SPAG9: variants seen among roughly 807,000 people sequenced by gnomAD.
The protein encoded by SPAG9 is sperm associated antigen 9, also known as C-Jun-amino-terminal kinase-interacting protein 4.
SPAG9 carries 35 observed loss-of-function variants against 166.5 expected under a neutral mutation model. The observed-to-expected ratio is 0.21, with a 90% confidence interval of 0.16 to 0.28. The LOEUF is 0.28. Ranked by LOEUF, SPAG9 falls within the 10% of genes least tolerant of loss-of-function variation. SPAG9 has a pLI of 1.00. For synonymous variants in SPAG9, 534 were observed against 565.5 expected (o/e 0.94, Z 0.79); for missense variants, 1,235 against 1,603.3 (o/e 0.77, Z 3.92).
At chr17:51,118,143 A>G (rs1184449519) in intron 1 of SPAG9, among the ~76,000 whole-genome samples, 2 of 151,950 alleles carry the variant, frequency 1.3e-5, no homozygotes, top group Non-Finnish European at 2.9e-5. Flanking sequence ...CAAAAAAAAA[A>G]AAAAAGAGAA....
chr17:51,020,416 C>T (rs1373816300), intron 7 of SPAG9, among the ~76,000 whole-genome samples, 158 bp from the exon 8 acceptor site: 1 of 152,118 alleles, frequency 6.6e-6, no homozygotes, highest in Non-Finnish European at 1.5e-5. Context: ...CAATATATCA[C>T]ATATTCAGTT....
chr17:51,022,287 C>T (rs908548195), intron 6 of SPAG9, among the ~76,000 whole-genome samples: 2 of 151,858 alleles, frequency 1.3e-5, no homozygotes, highest in Non-Finnish European at 2.9e-5. Context: ...AGTCTAAGTC[C>T]AACTCCAGAC....
At chr17:51,051,592 T>G (rs757787692) in intron 3 of SPAG9, among the ~76,000 whole-genome samples, 29 of 152,232 alleles carry the variant, frequency 1.9e-4, no homozygotes, top group South Asian at 4.1e-4. Context: ...TGGTGGCATG[T>G]GCCTATAGTC....
chr17:51,084,770 C>T lies in SPAG9; in HGVS notation c.304-5066G>A, dbSNP rs1368457897. 3.3e-5 allele frequency among the ~76,000 whole-genome samples: 5 copies of T among 151,936 alleles called. No individual in the cohort carries two copies. The East Asian group carries it at 7.8e-4, about 24-fold the overall frequency. On this transcript the variant is annotated intron_variant, in intron 1 of 29. Transcript: ENST00000262013. ...ATAAAATGCTGTTTTAAAGAACATACAGCATTATGTTTACCAAGTAACACT... is the reference window on the plus strand; with the variant it reads ...ATAAAATGCTGTTTTAAAGAACATATAGCATTATGTTTACCAAGTAACACT...
In SPAG9 at chr17:51,089,657, T is replaced by TAC. The variant is rs1486393423; in HGVS notation, c.304-9954_304-9953insGT. Reference sequence around the variant, plus strand: ...ATATATATATATATATATATATATATATATATACACATACACACACACACT... The same window carrying TAC: ...ATATATATATATATATATATATATATACATATATACACATACACACACACACT... On this transcript the variant is annotated intron_variant, in intron 1 of 29. Transcript: ENST00000262013. 3.8e-3 allele frequency among the ~76,000 whole-genome samples: 398 copies of TAC among 105,010 alleles called. 9 individuals carry two copies. Among genetic ancestry groups the TAC allele is most frequent in the African/African-American group, 0.015 (376 of 25,850 alleles). 68.9% of individuals were successfully genotyped at this position (105,010 alleles called of 152,430 possible).
chr17:51,042,826 G>C (rs2046889487), intron 4 of SPAG9, among the ~76,000 whole-genome samples: 1 of 152,140 alleles, frequency 6.6e-6, no homozygotes, highest in Non-Finnish European at 1.5e-5. Context: ...TATGCACAAG[G>C]AAATAAAATT....
At chr17:51,026,333 A>T (rs2302287) in intron 6 of SPAG9, among the ~76,000 whole-genome samples, 77,914 of 146,358 alleles carry the variant, frequency 0.53, 20,698 homozygotes, top group Admixed American at 0.56. Context: ...AAAAAAAAAA[A>T]AAAAAAAAAA....
intron 2 of SPAG9, among the ~76,000 whole-genome samples, chr17:51,062,843 G>A (rs2047555698): frequency 1.3e-5 from 2 of 152,072 alleles, no homozygotes; most frequent in African/African-American, 2.4e-5. Context: ...ACCTGCCTCC[G>A]CCTCTCAAAG....
intron 3 of SPAG9, among the ~76,000 whole-genome samples, chr17:51,053,693 A>C (rs951932614): frequency 6.6e-6 from 1 of 150,506 alleles, no homozygotes; most frequent in Non-Finnish European, 1.5e-5. Flanking sequence ...ACACACAAAA[A>C]AAAAAATTGG....
chr17:50,967,565 T>G (rs1011758009), intron 29 of SPAG9, among the ~76,000 whole-genome samples: 2 of 152,134 alleles, frequency 1.3e-5, no homozygotes, highest in Admixed American at 1.3e-4. Context: ...GTAAAAAAAT[T>G]AAGTTTGGCT....
chr17:51,091,514 G>A (rs919888520), intron 1 of SPAG9, among the ~76,000 whole-genome samples: 7 of 151,256 alleles, frequency 4.6e-5, no homozygotes, highest in African/African-American at 1.7e-4. Flanking sequence ...GTTGTTGTTT[G>A]CATATTATAA....
intron 5 of SPAG9, among the ~76,000 whole-genome samples, chr17:51,037,292 C>A (rs1338131064): frequency 6.6e-6 from 1 of 151,922 alleles, no homozygotes; most frequent in Non-Finnish European, 1.5e-5. Flanking sequence ...TTTGTAGAGA[C>A]AGAGTCGCTT....
intron 2 of SPAG9, among the ~76,000 whole-genome samples, chr17:51,074,222 C>T (rs1358189840): frequency 6.6e-6 from 1 of 151,534 alleles, no homozygotes; most frequent in Non-Finnish European, 1.5e-5. Flanking sequence ...GGCGACAGAG[C>T]GAGACTCCGT....
chr17:51,056,786 A>G (rs2047373585), intron 2 of SPAG9, among the ~76,000 whole-genome samples: 1 of 152,156 alleles, frequency 6.6e-6, no homozygotes. Flanking sequence ...CACCTCATCA[A>G]AGTTTTAAAC....
chr17:51,089,055 GCACTC>G, intron 1 of SPAG9, among the ~76,000 whole-genome samples: 1 of 151,710 alleles, frequency 6.6e-6, no homozygotes, highest in East Asian at 2.0e-4. Flanking sequence ...TTGCGCCACT[GCACTC>G]CAGCTTGAGC....
At chr17:51,005,308 T>G in intron 11 of SPAG9, 45 bp from the exon 12 acceptor site, 1 of 1,512,196 alleles carries the variant, frequency 6.6e-7, no homozygotes, top group Non-Finnish European at 9.1e-7. Flanking sequence ...TGAATTGAGC[T>G]CATCTTTTCA....
At chr17:51,093,580 T>TG (rs946790261) in intron 1 of SPAG9, among the ~76,000 whole-genome samples, 2 of 149,774 alleles carry the variant, frequency 1.3e-5, no homozygotes, top group Non-Finnish European at 3.0e-5. Flanking sequence ...CTCTAGTCCC[T>TG]GCTACTCGGG....
chr17:50,990,017 A>C, intron 20 of SPAG9, 145 bp from the exon 21 acceptor site: 2 of 724,618 alleles, frequency 2.8e-6, no homozygotes, highest in Non-Finnish European at 4.6e-6. Context: ...ATTCCATTTA[A>C]CAGTCATTAC....
chr17:51,047,566 TTATC>T (rs1482699656), intron 3 of SPAG9, 97 bp from the exon 4 acceptor site: 6 of 563,810 alleles, frequency 1.1e-5, no homozygotes, highest in African/African-American at 9.9e-5. Context: ...TACAATTTTC[TTATC>T]TATCAGACTA....
Sources: gnomAD v4.1 joint callset for allele counts (sites outside exome capture counted in the v4.1 genomes callset) on GRCh38, gnomAD v4.1.1 for gene constraint, MANE v1.5 for transcripts, NCBI Gene and HGNC (gene_info 2026-07-23, HGNC 2026-07-21) for gene names.